Variants in HDAC9 observed in about 807,000 individuals in gnomAD.
HDAC9 encodes the protein MEF-2 interacting transcription repressor (MITR) protein.
HDAC9 carries 41 observed loss-of-function variants against 139.4 expected under a neutral mutation model. That is an observed-to-expected ratio of 0.29 (90% confidence interval 0.23 to 0.38). The LOEUF (loss-of-function observed/expected upper bound fraction) is 0.38. Ranked by LOEUF, HDAC9 falls within the 10% of genes least tolerant of loss-of-function variation. The pLI is 1.00. For synonymous variants in HDAC9, 517 were observed against 476.2 expected (o/e 1.09, Z -1.12); for missense variants, 1,147 against 1,297.0 (o/e 0.88, Z 1.78).
chr7:18,694,594 G>A (rs1167973431), intron 12 of HDAC9, among the ~76,000 whole-genome samples: 2 of 152,114 alleles, frequency 1.3e-5, no homozygotes, highest in Non-Finnish European at 2.9e-5. Flanking sequence ...ATGGGAGTCA[G>A]TCCTTATAAT....
At chr7:18,579,556 T>C (rs1827120646) in intron 2 of HDAC9, among the ~76,000 whole-genome samples, 1 of 152,188 alleles carries the variant, frequency 6.6e-6, no homozygotes, top group African/African-American at 2.4e-5. Flanking sequence ...ATCCAGAATT[T>C]TTAGTTCATA....
intron 22 of HDAC9, among the ~76,000 whole-genome samples, chr7:18,890,608 G>A (rs1418073030): frequency 6.6e-6 from 1 of 152,204 alleles, no homozygotes; most frequent in African/African-American, 2.4e-5. Context: ...GGAAAGAAGA[G>A]TTTATGCTGC....
At chr7:18,166,619 G>A (rs957187592) in intron 2 of HDAC9, among the ~76,000 whole-genome samples, 8 of 152,154 alleles carry the variant, frequency 5.3e-5, no homozygotes, top group Admixed American at 1.3e-4. Context: ...TTCTCTGCAA[G>A]CATTTTTAAA....
chr7:18,797,513 T>C (rs1034123527), intron 17 of HDAC9, among the ~76,000 whole-genome samples: 1 of 152,136 alleles, frequency 6.6e-6, no homozygotes, highest in Non-Finnish European at 1.5e-5. Flanking sequence ...TAAAACCAGA[T>C]AGTCATTAAT....
chr7:18,317,556 C>G (rs551564600), intron 1 of HDAC9, among the ~76,000 whole-genome samples: 3 of 152,244 alleles, frequency 2.0e-5, no homozygotes, highest in South Asian at 4.1e-4. Flanking sequence ...ATAGTAGAAC[C>G]TATGACTCAC....
At chr7:18,339,646 G>A (rs533533908) in intron 1 of HDAC9, among the ~76,000 whole-genome samples, 1 of 151,290 alleles carries the variant, frequency 6.6e-6, no homozygotes, top group Non-Finnish European at 1.5e-5. Context: ...TCTTTTATCT[G>A]TAGATTATTT....
chr7:18,716,990 C>CTTTTT (rs528916567), intron 12 of HDAC9, among the ~76,000 whole-genome samples: 1 of 115,152 alleles, frequency 8.7e-6, no homozygotes, highest in South Asian at 2.9e-4. Context: ...CTCGTTAGCA[C>CTTTTT]TTTTTTTTTT....
chr7:18,917,715 T>C (rs1378252686), intron 22 of HDAC9, among the ~76,000 whole-genome samples: 2 of 152,000 alleles, frequency 1.3e-5, no homozygotes, highest in Non-Finnish European at 2.9e-5. Context: ...TCACCTTAAC[T>C]TTGGGTGTTA....
At chr7:18,967,007 G>A (rs551057349) in intron 24 of HDAC9, among the ~76,000 whole-genome samples, 61 of 152,266 alleles carry the variant, frequency 4.0e-4, no homozygotes, top group African/African-American at 1.1e-3. Context: ...TCTCCCAAGC[G>A]AATTGATAAT....
chr7:18,864,740 G>A (rs1392775374), intron 21 of HDAC9, among the ~76,000 whole-genome samples: 1 of 152,136 alleles, frequency 6.6e-6, no homozygotes, highest in Non-Finnish European at 1.5e-5. Flanking sequence ...CAGGGGCTTG[G>A]AGGAAGGGGA....
intron 23 of HDAC9, among the ~76,000 whole-genome samples, chr7:18,946,672 G>A (rs1782427586): frequency 6.6e-6 from 1 of 151,918 alleles, no homozygotes; most frequent in Admixed American, 6.6e-5. Flanking sequence ...AGTATACATG[G>A]AAAGAACCAA....
chr7:18,731,648 G>A (rs1024963282), intron 13 of HDAC9, among the ~76,000 whole-genome samples: 4 of 151,960 alleles, frequency 2.6e-5, no homozygotes, highest in East Asian at 1.9e-4. Flanking sequence ...TTTTTGAGAC[G>A]GAGTTTTGCT....
chr7:18,369,381 C>G (rs147528769), intron 1 of HDAC9, among the ~76,000 whole-genome samples: 207 of 152,158 alleles, frequency 1.4e-3, no homozygotes, highest in Non-Finnish European at 2.5e-3. Flanking sequence ...TAATAACATG[C>G]TTACCATGTT....
intron 21 of HDAC9, among the ~76,000 whole-genome samples, chr7:18,859,767 T>C (rs1196050456): frequency 1.4e-5 from 2 of 141,916 alleles, no homozygotes; most frequent in Non-Finnish European, 3.1e-5. Context: ...CTACAAAGCT[T>C]CTTTTTCTCT....
intron 17 of HDAC9, among the ~76,000 whole-genome samples, chr7:18,824,090 C>G (rs2588607): frequency 0.57 from 67,698 of 118,590 alleles, 19,055 homozygotes; most frequent in South Asian, 0.71. Flanking sequence ...AGAAGAAGAA[C>G]AAGAACAAGA....
intron 16 of HDAC9, among the ~76,000 whole-genome samples, chr7:18,774,755 G>T (rs111647747): frequency 6.6e-6 from 1 of 152,116 alleles, no homozygotes; most frequent in Non-Finnish European, 1.5e-5. Flanking sequence ...CAGCAGTAAG[G>T]CTATTTCACT....
At chr7:18,550,994 A>C (rs1816939279) in intron 2 of HDAC9, among the ~76,000 whole-genome samples, 1 of 152,232 alleles carries the variant, frequency 6.6e-6, no homozygotes, top group Non-Finnish European at 1.5e-5. Context: ...CTGTGAAGGT[A>C]GAGAGAATTA....
At chr7:18,293,912 CATT>C (rs1221187563) in intron 1 of HDAC9, among the ~76,000 whole-genome samples, 10 of 152,050 alleles carry the variant, frequency 6.6e-5, no homozygotes, top group Admixed American at 3.9e-4. Context: ...AATCAATAAA[CATT>C]AGTGCTTGAT....
chr7:18,299,913 A>G (rs1429961420), intron 1 of HDAC9, among the ~76,000 whole-genome samples: 2 of 152,200 alleles, frequency 1.3e-5, no homozygotes, highest in Non-Finnish European at 2.9e-5. Context: ...TTAAATTTTG[A>G]AGGCTTCTCA....
Sources: allele counts gnomAD v4.1 joint callset (sites outside exome capture counted in the v4.1 genomes callset), GRCh38; gene constraint gnomAD v4.1.1; transcripts MANE v1.5; gene names NCBI Gene and HGNC (gene_info 2026-07-23, HGNC 2026-07-21).